The following FRMPD1 variants were observed in gnomAD, a reference collection of about 807,000 sequenced individuals.
The protein encoded by FRMPD1 is FERM and PDZ domain-containing protein 1.
Under a neutral mutation model 117.8 loss-of-function variants are expected in FRMPD1, and 76 were observed. That is an observed-to-expected ratio of 0.65 (90% CI 0.54 to 0.78). The LOEUF (loss-of-function observed/expected upper bound fraction) is 0.78. Ranked by LOEUF, FRMPD1 falls within the 30% of genes least tolerant of loss-of-function variation. The pLI is 0.00. For missense variants in FRMPD1, 1,786 were observed against 1,964.5 expected (o/e 0.91, Z 1.72); for synonymous variants, 783 against 770.4 (o/e 1.02, Z -0.27).
intron 15 of FRMPD1, among the ~76,000 whole-genome samples, chr9:37,743,152 C>T (rs186977786): frequency 1.3e-5 from 2 of 152,216 alleles, no homozygotes; most frequent in African/African-American, 4.8e-5. Flanking sequence ...AAAGATCCAT[C>T]CTGGGATGCA....
At chr9:37,629,977 TG>T in the FRMPD1 span, among the ~76,000 whole-genome samples, 38 of 152,330 alleles carry the variant, frequency 2.5e-4, no homozygotes, top group African/African-American at 9.1e-4. Flanking sequence ...GACCTTTTTC[TG>T]GGTTGCGGAC....
At position 37,683,493 on chromosome 9, in the gene FRMPD1, T is replaced by TG. The variant is rs554832379; in HGVS notation, c.-4-9145_-4-9144insG. Among the ~76,000 whole-genome samples, 139 of 152,264 alleles carry TG rather than the reference T, an allele frequency of 9.1e-4. 1 individual carries two copies. Among genetic ancestry groups the TG allele is most frequent in the Middle Eastern group, 3.4e-3 (1 of 294 alleles). ...TGTAGAGGGGAGTGTTCTGTGCAAA[T>TG]CCAGTACACTACTGTGCCTGTTCAT... On this transcript the variant is annotated intron_variant, in intron 1 of 15. Transcript: ENST00000377765.
the FRMPD1 span, among the ~76,000 whole-genome samples, chr9:37,622,674 A>T: frequency 2.0e-5 from 3 of 152,234 alleles, no homozygotes; most frequent in Non-Finnish European, 2.9e-5. Flanking sequence ...CATCTCTGTT[A>T]TGATTCAGCC....
rs1375871168 is a variant in FRMPD1, at chr9:37,746,122, GC to G, written c.4096del (p.Leu1366SerfsTer43). The G allele has an allele frequency of 1.9e-6, 3 of 1,614,060 alleles. No individual in the cohort carries two copies. The highest frequency in any genetic ancestry group is 1.7e-5 in the Admixed American group (1 of 60,022). On this transcript the variant is annotated frameshift_variant, in exon 16 of 16. Transcript: ENST00000377765. LOFTEE classifies it high-confidence loss of function. ...CAGGGACTTGGAAGCACACCCCATG[GC>G]CCCCCTCACCTCACCGCCCTCTGCG... ...EDRDLEAHPM[A>X]PLTSPPSAGS...
the FRMPD1 span, among the ~76,000 whole-genome samples, chr9:37,627,636 G>A: frequency 6.6e-6 from 1 of 152,136 alleles, no homozygotes; most frequent in Non-Finnish European, 1.5e-5. Context: ...ACCATGCCCA[G>A]CTAATTTTTA....
chr9:37,710,293 G>C (rs900049016), intron 4 of FRMPD1, among the ~76,000 whole-genome samples: 1 of 152,138 alleles, frequency 6.6e-6, no homozygotes, highest in African/African-American at 2.4e-5. Context: ...GCAGCAATTG[G>C]CCTAAATGTT....
intron 1 of FRMPD1, among the ~76,000 whole-genome samples, chr9:37,659,915 T>TAAAA (rs36016239): frequency 9.6e-5 from 10 of 103,636 alleles, no homozygotes; most frequent in South Asian, 3.2e-4. Context: ...TTTCAAGCAC[T>TAAAA]AAAAAAAAAA....
chr9:37,730,932 G>T, intron 8 of FRMPD1, 52 bp from the exon 9 acceptor site: 1 of 1,601,252 alleles, frequency 6.2e-7, no homozygotes, highest in Non-Finnish European at 8.6e-7. Context: ...TGGAATGACT[G>T]CAAGGACAAA....
At chr9:37,625,402 TGCAG>T in the FRMPD1 span, among the ~76,000 whole-genome samples, 3 of 152,150 alleles carry the variant, frequency 2.0e-5, no homozygotes, top group Admixed American at 6.5e-5. Context: ...TTAGAAGAAA[TGCAG>T]GCAGAGAGCT....
chr9:37,680,158 C>T (rs1821673583), intron 1 of FRMPD1, among the ~76,000 whole-genome samples: 1 of 152,118 alleles, frequency 6.6e-6, no homozygotes, highest in Non-Finnish European at 1.5e-5. Flanking sequence ...CACCCTGTAG[C>T]TCTCGAAGGG....
chr9:37,728,316 G>C (rs890361207), intron 7 of FRMPD1, among the ~76,000 whole-genome samples: 1 of 152,162 alleles, frequency 6.6e-6, no homozygotes, highest in South Asian at 2.1e-4. Flanking sequence ...ATTAAATAAT[G>C]GTGAGGGAAA....
At position 37,737,189 on chromosome 9, in the gene FRMPD1, A is replaced by G. The variant is rs1588969967; in HGVS notation, c.1495A>G (p.Ile499Val). The G allele has an allele frequency of 6.2e-7, 1 of 1,613,638 alleles. No homozygotes were observed. Among genetic ancestry groups the G allele is most frequent in the Non-Finnish European group, 8.5e-7 (1 of 1,179,940 alleles). The change falls in exon 14 of 16, where the codon ATT (isoleucine) becomes GTT (valine). Residue 499 changes from isoleucine to valine, a missense_variant. Ile to Val is a conservative substitution (Grantham distance 29, BLOSUM62 3). Transcript: ENST00000377765. ...YRLLVDPVTS[I>V]FLWPGNKQQA... Reference sequence around the variant, plus strand: ...GCTGTTGGTTGACCCAGTTACCTCCATTTTCCTCTGGCCTGGAAACAAACA... The same window carrying G: ...GCTGTTGGTTGACCCAGTTACCTCCGTTTTCCTCTGGCCTGGAAACAAACA...
At chr9:37,653,184 A>G (rs1223441394) in intron 1 of FRMPD1, among the ~76,000 whole-genome samples, 1 of 152,146 alleles carries the variant, frequency 6.6e-6, no homozygotes, top group Admixed American at 6.5e-5. Context: ...TCCGAGCGTC[A>G]CTTTTTTAAT....
At chr9:37,630,617 G>A in the FRMPD1 span, among the ~76,000 whole-genome samples, 6 of 152,134 alleles carry the variant, frequency 3.9e-5, no homozygotes, top group Non-Finnish European at 8.8e-5. Flanking sequence ...CTGACCTCAA[G>A]TGATCCACCC....
intron 2 of FRMPD1, among the ~76,000 whole-genome samples, chr9:37,704,655 G>GATAT (rs35796066): frequency 2.1e-4 from 32 of 149,238 alleles, no homozygotes; most frequent in Admixed American, 6.7e-4. Flanking sequence ...GGTTGAGTGA[G>GATAT]ATATATATAT....
intron 6 of FRMPD1, among the ~76,000 whole-genome samples, chr9:37,722,381 A>G (rs1465751666): frequency 1.3e-5 from 2 of 151,890 alleles, no homozygotes; most frequent in African/African-American, 4.8e-5. Context: ...AGAAGATTCA[A>G]TATTCTCATC....
chr9:37,724,006 A>T lies in FRMPD1; in HGVS notation c.517-219A>T, dbSNP rs563703079. 7.9e-5 allele frequency among the ~76,000 whole-genome samples: 12 copies of T among 151,614 alleles called. No homozygotes were observed. In the South Asian group the frequency reaches 2.3e-3, roughly 29 times the overall value. On this transcript the variant is annotated intron_variant, in intron 6 of 15. Coordinates refer to ENST00000377765, the MANE Select transcript of FRMPD1 (RefSeq NM_014907.3). ...AGAGTGAGACTCTGTCAAAAAAAATAAAAAAAATAAAAAAAAATAAAAGCC... is the reference window on the plus strand; with the variant it reads ...AGAGTGAGACTCTGTCAAAAAAAATTAAAAAAATAAAAAAAAATAAAAGCC...
chr9:37,629,664 CTTAGT>C, the FRMPD1 span, among the ~76,000 whole-genome samples: 1 of 152,158 alleles, frequency 6.6e-6, no homozygotes, highest in Non-Finnish European at 1.5e-5. Context: ...CCTCTTTATA[CTTAGT>C]TTATAGTTCA....
intron 1 of FRMPD1, among the ~76,000 whole-genome samples, chr9:37,672,780 A>G (rs1483500292): frequency 7.2e-5 from 11 of 152,174 alleles, no homozygotes. Flanking sequence ...AAGAACCAAG[A>G]GAAAATAAGG....
Sources: gnomAD v4.1 joint callset for allele counts (sites outside exome capture counted in the v4.1 genomes callset) on GRCh38, gnomAD v4.1.1 for gene constraint, MANE v1.5 for transcripts, NCBI Gene and HGNC (gene_info 2026-07-23, HGNC 2026-07-21) for gene names.